Variants in NREP observed in about 807,000 individuals in gnomAD.
The protein encoded by NREP is neuronal regeneration-related protein.
A neutral mutation model predicts 8.6 loss-of-function variants in NREP; 5 were observed. That is an observed-to-expected ratio of 0.58 (90% CI 0.30 to 1.22). The LOEUF (loss-of-function observed/expected upper bound fraction) is 1.22, where lower values mean the gene tolerates loss of function less well. Ranked by LOEUF, NREP falls within the 50% of genes most tolerant of loss-of-function variation. The pLI is 0.07. For synonymous variants in NREP, 27 were observed against 28.0 expected, an observed-to-expected ratio of 0.96 and a Z score of 0.11; for missense variants, 86 against 82.5, an observed-to-expected ratio of 1.04 and a Z score of -0.17.
At chr5:111,912,732 C>A (rs1173942624) in intron 2 of NREP, 1 of 152,112 alleles carries the variant, frequency 6.6e-6, no homozygotes, top group Non-Finnish European at 1.5e-5. Flanking sequence ...TAAGTCAATA[C>A]AGGATTATGT....
intron 3 of NREP, chr5:111,734,858 T>C (rs997720017): frequency 4.3e-6 from 2 of 465,102 alleles, no homozygotes; most frequent in African/African-American, 2.0e-5. Context: ...TAAGTAGTTG[T>C]TATTGTTTGT....
intron 2 of NREP, among the ~76,000 whole-genome samples, chr5:111,940,427 C>A (rs939719872): frequency 2.6e-5 from 4 of 152,058 alleles, no homozygotes; most frequent in Admixed American, 2.0e-4. Context: ...GACATGAAGT[C>A]GTACTGGCAA....
At chr5:111,848,083 A>C (rs1026865037) in intron 2 of NREP, among the ~76,000 whole-genome samples, 1 of 152,162 alleles carries the variant, frequency 6.6e-6, no homozygotes, top group African/African-American at 2.4e-5. Context: ...ATCTCCATTG[A>C]AGAGAACAGT....
intron 2 of NREP, chr5:111,939,920 T>C (rs76791647): frequency 3.1e-4 from 47 of 152,100 alleles, no homozygotes; most frequent in African/African-American, 1.0e-3. Context: ...CAAGGTTATG[T>C]TTTGATCAGC....
intron 2 of NREP, among the ~76,000 whole-genome samples, chr5:111,844,672 T>C (rs899070923): frequency 6.8e-6 from 1 of 147,240 alleles, no homozygotes; most frequent in Non-Finnish European, 1.5e-5. Context: ...ATATATTATA[T>C]ATATATTATA....
At chr5:111,857,570 G>A (rs1020297379) in intron 2 of NREP, among the ~76,000 whole-genome samples, 2 of 152,080 alleles carry the variant, frequency 1.3e-5, no homozygotes, top group Admixed American at 6.6e-5. Context: ...GCTGTGTATC[G>A]GGGTGATGGG....
At chr5:111,734,005 GAAGA>G (rs1433300710) in intron 3 of NREP, 1 of 152,202 alleles carries the variant, frequency 6.6e-6, no homozygotes, top group Non-Finnish European at 1.5e-5. Flanking sequence ...CATATTTAGA[GAAGA>G]AAGAACTTAA....
At chr5:111,810,717 C>T (rs576398880) in intron 2 of NREP, among the ~76,000 whole-genome samples, 1 of 152,138 alleles carries the variant, frequency 6.6e-6, no homozygotes, top group Non-Finnish European at 1.5e-5. Flanking sequence ...TGTTCCATTA[C>T]TACAAAAAGT....
chr5:111,757,342 A>G, upstream of NREP: 3 of 871,790 alleles, frequency 3.4e-6, no homozygotes, highest in Non-Finnish European at 4.1e-6. Context: ...CAAGAAGTGC[A>G]GCCTTGGAAA....
At chr5:111,758,831 G>C (rs993323474), upstream of NREP, among the ~76,000 whole-genome samples, 1 of 152,204 alleles carries the variant, frequency 6.6e-6, no homozygotes, top group African/African-American at 2.4e-5. Context: ...TGAGTTCTCT[G>C]TATGCTTGTT....
intron 2 of NREP, among the ~76,000 whole-genome samples, chr5:111,792,076 G>A (rs1751762151): frequency 6.6e-6 from 1 of 152,098 alleles, no homozygotes; most frequent in Admixed American, 6.5e-5. Context: ...TTTAGACCTA[G>A]GTGTGAAGAA....
intron 2 of NREP, among the ~76,000 whole-genome samples, chr5:111,916,185 T>C (rs1755052575): frequency 6.6e-6 from 1 of 151,870 alleles, no homozygotes; most frequent in Non-Finnish European, 1.5e-5. Flanking sequence ...CTGTATATAG[T>C]TTTATAATTA....
chr5:111,856,597 G>A (rs1438215958), intron 2 of NREP, among the ~76,000 whole-genome samples: 1 of 152,094 alleles, frequency 6.6e-6, no homozygotes, highest in African/African-American at 2.4e-5. Flanking sequence ...TCTGCACACT[G>A]CCTTTACTAG....
intron 2 of NREP, among the ~76,000 whole-genome samples, chr5:111,745,827 C>T (rs1381334060): frequency 6.6e-6 from 1 of 152,024 alleles, no homozygotes; most frequent in East Asian, 1.9e-4. Context: ...ATGATAAATT[C>T]AGGAAGAAAA....
chr5:111,803,985 T>C (rs1752077076), intron 2 of NREP, among the ~76,000 whole-genome samples: 1 of 152,172 alleles, frequency 6.6e-6, no homozygotes, highest in African/African-American at 2.4e-5. Context: ...GCAACCCCAA[T>C]ACAACTAGTA....
At chr5:111,912,824 G>A (rs1754949745) in intron 2 of NREP, 1 of 152,062 alleles carries the variant, frequency 6.6e-6, no homozygotes, top group Non-Finnish European at 1.5e-5. Context: ...AATAAATGAA[G>A]GAATAGTTGG....
intron 2 of NREP, among the ~76,000 whole-genome samples, chr5:111,772,669 G>T (rs191283953): frequency 1.2e-3 from 189 of 151,842 alleles, no homozygotes; most frequent in African/African-American, 4.4e-3. Context: ...GATGCTGCTG[G>T]TCCTTTATGG....
intron 2 of NREP, among the ~76,000 whole-genome samples, chr5:111,916,172 T>C (rs1464608997): frequency 6.6e-6 from 1 of 152,026 alleles, no homozygotes; most frequent in Non-Finnish European, 1.5e-5. Context: ...GTGATCAATA[T>C]GACTGTATAT....
chr5:111,792,016 T>C (rs994825418), intron 2 of NREP, among the ~76,000 whole-genome samples: 6 of 152,214 alleles, frequency 3.9e-5, no homozygotes, highest in African/African-American at 9.6e-5. Context: ...GGAAACACTA[T>C]ATAGTTATAA....
Sources: gnomAD v4.1 joint callset for allele counts (sites outside exome capture counted in the v4.1 genomes callset) on GRCh38, gnomAD v4.1.1 for gene constraint, MANE v1.5 for transcripts, NCBI Gene and HGNC (gene_info 2026-07-23, HGNC 2026-07-21) for gene names.